The following RAB3C variants were observed in gnomAD, a reference collection of about 807,000 sequenced individuals.
RAB3C encodes the protein ras-related protein Rab-3C.
RAB3C carries 17 observed loss-of-function variants against 26.4 expected under a neutral mutation model. The ratio of observed to expected loss-of-function variants is 0.64; its 90% confidence interval spans 0.44 to 0.97. The LOEUF (loss-of-function observed/expected upper bound fraction) is 0.97, where lower values mean the gene tolerates loss of function less well. Ranked by LOEUF, RAB3C falls within the 50% of genes least tolerant of loss-of-function variation. RAB3C has a pLI of 0.00. For missense variants in RAB3C, 242 were observed against 281.9 expected, an observed-to-expected ratio of 0.86 and a Z score of 1.01; for synonymous variants, 91 against 95.9, an observed-to-expected ratio of 0.95 and a Z score of 0.30.
chr5:58,776,117 C>A (rs1742135916), intron 3 of RAB3C, among the ~76,000 whole-genome samples: 1 of 152,068 alleles, frequency 6.6e-6, no homozygotes, highest in Admixed American at 6.6e-5. Flanking sequence ...ACTCTCTCAG[C>A]CACTGTTTAG....
upstream of RAB3C, chr5:58,583,054 G>C (rs2111641175): frequency 6.8e-7 from 1 of 1,469,064 alleles, no homozygotes; most frequent in Non-Finnish European, 9.0e-7. Context: ...CGCGTGTGCG[G>C]CGCCAGGAGA....
chr5:58,758,888 T>C lies in RAB3C; in HGVS notation c.371+32768T>C, dbSNP rs559813869. Among the ~76,000 whole-genome samples the C allele has an allele frequency of 3.9e-5, 6 of 152,232 alleles. 1 individual carries two copies. Among genetic ancestry groups the C allele is most frequent in the African/African-American group, 1.4e-4 (6 of 41,538 alleles). ...TTTTTTGGATACTTTTCCATGGTCC[T>C]TGACCAGTTGGTTTCCAGCAGCCTC... On this transcript the variant is annotated intron_variant, in intron 3 of 4. Coordinates refer to ENST00000282878, the MANE Select transcript of RAB3C (RefSeq NM_138453.4).
At chr5:58,640,734 G>C (rs1747397376) in intron 2 of RAB3C, among the ~76,000 whole-genome samples, 1 of 152,150 alleles carries the variant, frequency 6.6e-6, no homozygotes. Context: ...GTCTTTCAGA[G>C]ACAGTGTTGT....
At chr5:58,673,230 T>A (rs779937305) in intron 2 of RAB3C, among the ~76,000 whole-genome samples, 11 of 152,188 alleles carry the variant, frequency 7.2e-5, no homozygotes, top group Non-Finnish European at 1.6e-4. Flanking sequence ...GTTCCCTCTG[T>A]CCTGCCCCTG....
At chr5:58,652,144 G>T (rs1747666628) in intron 2 of RAB3C, among the ~76,000 whole-genome samples, 1 of 151,916 alleles carries the variant, frequency 6.6e-6, no homozygotes, top group Non-Finnish European at 1.5e-5. Context: ...GTCTGCGATT[G>T]GGAGCTGTCA....
intron 1 of RAB3C, among the ~76,000 whole-genome samples, chr5:58,604,205 G>GGA (rs1446834437): frequency 6.6e-6 from 1 of 152,176 alleles, no homozygotes; most frequent in African/African-American, 2.4e-5. Flanking sequence ...CTATTCCACT[G>GGA]GAGGTGGCAG....
chr5:58,671,910 G>A (rs950144203), intron 2 of RAB3C, among the ~76,000 whole-genome samples: 6 of 151,842 alleles, frequency 4.0e-5, no homozygotes, highest in Admixed American at 1.3e-4. Flanking sequence ...TAAAATACAC[G>A]TAAACAATGA....
chr5:58,730,105 C>T (rs372812853), intron 3 of RAB3C, among the ~76,000 whole-genome samples: 7 of 151,446 alleles, frequency 4.6e-5, no homozygotes, highest in East Asian at 1.9e-4. Flanking sequence ...TGTGTATTGC[C>T]GCTATGGCAC....
chr5:58,737,722 C>CA (rs147189962), intron 3 of RAB3C, among the ~76,000 whole-genome samples: 19,121 of 151,420 alleles, frequency 0.13, 1,555 homozygotes, highest in Non-Finnish European at 0.18. Flanking sequence ...ACAACAACAA[C>CA]AAAAAAATGA....
Position 58,776,342 on chromosome 5 carries a change from C to T in RAB3C, c.372-48696C>T, listed in dbSNP as rs141534287. 2.0e-3 allele frequency among the ~76,000 whole-genome samples: 311 copies of T among 152,196 alleles called. 2 individuals carry two copies. Among genetic ancestry groups the T allele is most frequent in the African/African-American group, 7.1e-3 (294 of 41,548 alleles). ...TTTGATGAAACTTCTTCTTTCTACACCTTAAATATTGGTGTTTCCCCCAGA... is the reference window on the plus strand; with the variant it reads ...TTTGATGAAACTTCTTCTTTCTACATCTTAAATATTGGTGTTTCCCCCAGA... On this transcript the variant is annotated intron_variant, in intron 3 of 4. Transcript: ENST00000282878.
At chr5:58,740,204 A>T (rs1437973829) in intron 3 of RAB3C, among the ~76,000 whole-genome samples, 1 of 152,218 alleles carries the variant, frequency 6.6e-6, no homozygotes, top group Non-Finnish European at 1.5e-5. Flanking sequence ...AGAGTCAGCT[A>T]TTACAGGATT....
chr5:58,591,687 A>AT (rs1267093672), intron 1 of RAB3C, among the ~76,000 whole-genome samples: 2 of 149,164 alleles, frequency 1.3e-5, no homozygotes, highest in African/African-American at 2.4e-5. Flanking sequence ...TGGGCTTTTC[A>AT]TTTTTTTCCA....
intron 3 of RAB3C, among the ~76,000 whole-genome samples, chr5:58,787,902 T>C (rs543081761): frequency 1.3e-5 from 2 of 152,370 alleles, no homozygotes; most frequent in Admixed American, 1.3e-4. Context: ...CCCTCCACTG[T>C]TGTTGGCTAG....
At chr5:58,791,014 A>T (rs974707132) in intron 3 of RAB3C, among the ~76,000 whole-genome samples, 3 of 151,612 alleles carry the variant, frequency 2.0e-5, no homozygotes, top group Non-Finnish European at 4.4e-5. Context: ...TTGATTTCAG[A>T]GCTGAGATCA....
chr5:58,794,953 A>G (rs1477085707), intron 3 of RAB3C, among the ~76,000 whole-genome samples: 2 of 152,208 alleles, frequency 1.3e-5, no homozygotes, highest in Non-Finnish European at 2.9e-5. Context: ...GTTCATTTAG[A>G]AAAAGATTAT....
chr5:58,736,309 A>T (rs1354479444), intron 3 of RAB3C, among the ~76,000 whole-genome samples: 1 of 152,146 alleles, frequency 6.6e-6, no homozygotes, highest in Non-Finnish European at 1.5e-5. Context: ...CTAGGTGGAG[A>T]TTTTATATGC....
chr5:58,664,754 A>G (rs1051403679), intron 2 of RAB3C, among the ~76,000 whole-genome samples: 1 of 152,048 alleles, frequency 6.6e-6, no homozygotes, highest in Non-Finnish European at 1.5e-5. Flanking sequence ...CTCTCCTGCA[A>G]ACCATCTAGT....
chr5:58,813,432 C>T (rs1379201862), intron 3 of RAB3C, among the ~76,000 whole-genome samples: 4 of 151,806 alleles, frequency 2.6e-5, no homozygotes, highest in African/African-American at 9.7e-5. Context: ...TTTCTCACTG[C>T]TGCTCCCCAA....
At chr5:58,801,728 A>C (rs1436911450) in intron 3 of RAB3C, among the ~76,000 whole-genome samples, 1 of 152,282 alleles carries the variant, frequency 6.6e-6, no homozygotes, top group Non-Finnish European at 1.5e-5. Context: ...TGCTTGAAGC[A>C]GAGCTCTTGA....
Sources: gnomAD v4.1 joint callset for allele counts (sites outside exome capture counted in the v4.1 genomes callset) on GRCh38, gnomAD v4.1.1 for gene constraint, MANE v1.5 for transcripts, NCBI Gene and HGNC (gene_info 2026-07-23, HGNC 2026-07-21) for gene names.